RABGAP1L: variants seen among roughly 807,000 people sequenced by gnomAD.
RABGAP1L encodes the protein rab GTPase-activating protein 1-like.
Under a neutral mutation model 137.7 loss-of-function variants are expected in RABGAP1L, and 63 were observed. The observed-to-expected ratio is 0.46, with a 90% CI of 0.37 to 0.56. The LOEUF is 0.56. Among genes scored for constraint, RABGAP1L ranks in the 20% least tolerant of loss-of-function variants. The pLI is 0.00. For synonymous variants in RABGAP1L, 431 were observed against 433.7 expected (o/e 0.99, Z 0.08); for missense variants, 1,095 against 1,244.0 (o/e 0.88, Z 1.80).
intron 13 of RABGAP1L, among the ~76,000 whole-genome samples, chr1:174,504,169 C>T (rs539602942): frequency 3.3e-5 from 5 of 151,774 alleles, no homozygotes; most frequent in East Asian, 1.9e-4. Flanking sequence ...GTTAGGGTTT[C>T]GCCATGTTGC....
At chr1:174,378,884 T>C (rs1571505864) in intron 12 of RABGAP1L, among the ~76,000 whole-genome samples, 1 of 127,442 alleles carries the variant, frequency 7.8e-6, no homozygotes, top group East Asian at 2.1e-4. Context: ...TGAATGGTAA[T>C]GCCTAGGTTT....
chr1:174,713,551 T>C (rs548086775), intron 17 of RABGAP1L, among the ~76,000 whole-genome samples: 1 of 152,262 alleles, frequency 6.6e-6, no homozygotes, highest in African/African-American at 2.4e-5. Flanking sequence ...CTGTGGCACC[T>C]TTCCCTCAAA....
At position 174,601,069 on chromosome 1, in the gene RABGAP1L, A is replaced by C. The variant is rs187351918; in HGVS notation, c.1711-36306A>C. On this transcript the variant is annotated intron_variant, in intron 13 of 25. Coordinates refer to ENST00000681986, the MANE Select transcript of RABGAP1L (RefSeq NM_001366446.1). ...TTGACTTTGGTGCACCCGCAGGCTC[A>C]ACACCACATGGAAGCTGCCAAGGTT... Among the ~76,000 whole-genome samples, 19 of 152,322 alleles carry C rather than the reference A, an allele frequency of 1.2e-4. No homozygotes were observed. The East Asian group carries it at 3.5e-3, about 28-fold the overall frequency.
At chr1:174,219,516 A>G (rs879387711) in intron 2 of RABGAP1L, among the ~76,000 whole-genome samples, 9 of 151,516 alleles carry the variant, frequency 5.9e-5, no homozygotes, top group Non-Finnish European at 1.3e-4. Flanking sequence ...AGAATAAAAG[A>G]AGAAAAAGAA....
intron 13 of RABGAP1L, among the ~76,000 whole-genome samples, chr1:174,581,568 CA>C (rs1242845711): frequency 1.3e-5 from 2 of 152,184 alleles, no homozygotes; most frequent in African/African-American, 4.8e-5. Context: ...AGGGTGATGA[CA>C]AAAAGATACG....
chr1:174,427,479 T>A (rs1294578763), intron 13 of RABGAP1L, among the ~76,000 whole-genome samples: 1 of 152,154 alleles, frequency 6.6e-6, no homozygotes, highest in Non-Finnish European at 1.5e-5. Context: ...CTGTCAAAGG[T>A]TCAGTGTTCT....
intron 7 of RABGAP1L, among the ~76,000 whole-genome samples, chr1:174,272,035 T>C (rs889565089): frequency 6.6e-5 from 10 of 151,976 alleles, no homozygotes; most frequent in African/African-American, 2.4e-4. Context: ...TCGTTTTTGG[T>C]TTAACTGGGT....
chr1:174,925,331 G>A (rs1265968377), intron 19 of RABGAP1L, among the ~76,000 whole-genome samples: 1 of 120,620 alleles, frequency 8.3e-6, no homozygotes, highest in Non-Finnish European at 1.6e-5. Context: ...CTGGGAGACA[G>A]AGCGAGACTC....
chr1:174,796,613 A>T (rs929568278), intron 18 of RABGAP1L, among the ~76,000 whole-genome samples: 13 of 152,188 alleles, frequency 8.5e-5, no homozygotes, highest in African/African-American at 2.9e-4. Context: ...GGGATTTTTG[A>T]TGGGGAAACT....
At chr1:174,353,182 G>C (rs981641561) in intron 11 of RABGAP1L, among the ~76,000 whole-genome samples, 3 of 152,120 alleles carry the variant, frequency 2.0e-5, no homozygotes, top group Middle Eastern at 3.2e-3. Context: ...AGAGTGTGTC[G>C]TGAAATGTTA....
intron 1 of RABGAP1L, among the ~76,000 whole-genome samples, chr1:174,164,783 C>T (rs1380955244): frequency 6.6e-6 from 1 of 152,082 alleles, no homozygotes. Context: ...AATTTTACAC[C>T]CAGCTAATGG....
At chr1:174,252,308 T>C (rs886300725) in intron 6 of RABGAP1L, 172 bp from the exon 7 acceptor site, 1 of 671,352 alleles carries the variant, frequency 1.5e-6, no homozygotes, top group African/African-American at 1.9e-5. Context: ...ATAAAGTTTA[T>C]AGTCAAATAA....
chr1:174,270,309 C>A (rs1187226061), intron 7 of RABGAP1L, among the ~76,000 whole-genome samples: 2 of 151,444 alleles, frequency 1.3e-5, no homozygotes, highest in Non-Finnish European at 2.9e-5. Flanking sequence ...TTTTGCAGTA[C>A]AATGTAATAT....
chr1:174,271,259 A>G (rs1026567109), intron 7 of RABGAP1L, among the ~76,000 whole-genome samples: 1 of 152,138 alleles, frequency 6.6e-6, no homozygotes, highest in Non-Finnish European at 1.5e-5. Context: ...AAGAACTTAT[A>G]GGAAGTATAC....
intron 13 of RABGAP1L, among the ~76,000 whole-genome samples, chr1:174,431,087 A>G (rs540346151): frequency 6.6e-6 from 1 of 152,294 alleles, no homozygotes; most frequent in South Asian, 2.1e-4. Context: ...TTAAAAATGA[A>G]TGTGAACCAA....
At chr1:174,410,004 T>A (rs1649731875) in intron 13 of RABGAP1L, among the ~76,000 whole-genome samples, 1 of 152,190 alleles carries the variant, frequency 6.6e-6, no homozygotes, top group African/African-American at 2.4e-5. Flanking sequence ...CTCAGAAGCA[T>A]GTGATCTTTG....
At chr1:174,247,445 T>C (rs1032350331) in intron 5 of RABGAP1L, among the ~76,000 whole-genome samples, 13 of 152,188 alleles carry the variant, frequency 8.5e-5, no homozygotes, top group African/African-American at 2.9e-4. Flanking sequence ...CATATAGAGA[T>C]GAAAAGGGAT....
At position 174,976,362 on chromosome 1, in the gene RABGAP1L, A is replaced by G. The variant is rs188976070; in HGVS notation, c.2649+180A>G. Among the ~76,000 whole-genome samples, 592 of 151,708 alleles carry G rather than the reference A, an allele frequency of 3.9e-3. 2 individuals are homozygous for G. The highest frequency in any genetic ancestry group is 0.014 in the Middle Eastern group (4 of 294). The stretch of plus-strand genomic sequence containing the variant: ...CAACATTTCTGACATTTTTTTTTTG[A>G]AGGGTGTTAAAAGAGGAGGCAGTAT... On this transcript the variant is annotated intron_variant, in intron 22 of 25. Coordinates refer to ENST00000681986, the MANE Select transcript of RABGAP1L (RefSeq NM_001366446.1).
intron 13 of RABGAP1L, among the ~76,000 whole-genome samples, chr1:174,596,217 G>A (rs1258139685): frequency 1.1e-5 from 1 of 88,642 alleles, no homozygotes; most frequent in Non-Finnish European, 1.9e-5. Context: ...TTCGGCTCGC[G>A]CACGGTGCAC....
Sources: allele counts gnomAD v4.1 joint callset (sites outside exome capture counted in the v4.1 genomes callset), GRCh38; gene constraint gnomAD v4.1.1; transcripts MANE v1.5; gene names NCBI Gene and HGNC (gene_info 2026-07-23, HGNC 2026-07-21).